The following SDCCAG8 variants were observed in gnomAD, a reference collection of about 807,000 sequenced individuals.
SDCCAG8 encodes the protein SHH signaling and ciliogenesis regulator SDCCAG8, also known as serologically defined colon cancer antigen 8.
Under a neutral mutation model 101.8 loss-of-function variants are expected in SDCCAG8, and 74 were observed. The ratio of observed to expected loss-of-function variants is 0.73; its 90% CI spans 0.60 to 0.88. The LOEUF is 0.88. Ranked by LOEUF, SDCCAG8 falls within the 40% of genes least tolerant of loss-of-function variation. SDCCAG8 has a pLI of 0.00. For missense variants in SDCCAG8, 787 were observed against 822.6 expected, an observed-to-expected ratio of 0.96 and a Z score of 0.53; for synonymous variants, 281 against 292.9, an observed-to-expected ratio of 0.96 and a Z score of 0.41.
At chr1:243,278,955 T>TATG (rs2068800913) in intron 4 of SDCCAG8, among the ~76,000 whole-genome samples, 1 of 151,826 alleles carries the variant, frequency 6.6e-6, no homozygotes, top group Non-Finnish European at 1.5e-5. Flanking sequence ...GCTATTTTAT[T>TATG]ATTATTATTA....
intron 16 of SDCCAG8, among the ~76,000 whole-genome samples, chr1:243,471,350 C>G (rs977377495): frequency 2.0e-5 from 3 of 152,114 alleles, no homozygotes; most frequent in Non-Finnish European, 4.4e-5. Context: ...CTTTTTTCCC[C>G]CAGTATTATG....
Position 243,477,702 on chromosome 1 carries a change from G to A in SDCCAG8, c.1986-11312G>A, listed in dbSNP as rs563753808. On this transcript the variant is annotated intron_variant, in intron 16 of 17. Transcript: ENST00000366541. ...TTAGGTTCCTGTCAGAGGCAGCTGT[G>A]CTGGAGCTTGAAGAGCTGAAAGTGT... 4.6e-5 allele frequency among the ~76,000 whole-genome samples: 7 copies of A among 152,370 alleles called. No individual in the cohort carries two copies. In the East Asian group the frequency reaches 1.3e-3, roughly 29 times the overall value.
At chr1:243,427,861 G>A (rs2081444181) in intron 16 of SDCCAG8, among the ~76,000 whole-genome samples, 2 of 152,188 alleles carry the variant, frequency 1.3e-5, no homozygotes, top group Non-Finnish European at 2.9e-5. Flanking sequence ...CTGTAGGCCA[G>A]GGGTCTGCAA....
Position 243,271,001 on chromosome 1 carries a change from C to T in SDCCAG8, c.244C>T (p.Arg82Cys), listed in dbSNP as rs143447584. 247 of 1,612,884 alleles carry T rather than the reference C, an allele frequency of 1.5e-4. No individual in the cohort carries two copies. The highest frequency in any genetic ancestry group is 2.8e-4 in the Admixed American group (17 of 59,948). ...HAVNQLKDLL[R>C]QQADKESEVS... is the part of the protein sequence containing the mutation. ...AGTTAATCAGCTCAAAGATTTGTTG[C>T]GCCAACAAGCAGATAAGGAAAGTGA... Residue 82 changes from arginine to cysteine, a missense_variant, in exon 3 of 18, where the codon CGC becomes TGC. Coordinates refer to ENST00000366541, the MANE Select transcript of SDCCAG8 (RefSeq NM_006642.5).
intron 16 of SDCCAG8, among the ~76,000 whole-genome samples, chr1:243,439,943 G>T (rs1392017392): frequency 6.6e-6 from 1 of 152,204 alleles, no homozygotes; most frequent in Admixed American, 6.5e-5. Context: ...TCAGGCTAAT[G>T]TGTCTTAGAA....
intron 9 of SDCCAG8, among the ~76,000 whole-genome samples, chr1:243,325,500 C>T (rs1217838348): frequency 6.6e-6 from 1 of 150,930 alleles, no homozygotes; most frequent in African/African-American, 2.4e-5. Context: ...ACGTTTGTTG[C>T]CATCTAGTGT....
At chr1:243,302,816 A>G (rs986784016) in intron 6 of SDCCAG8, among the ~76,000 whole-genome samples, 5 of 152,144 alleles carry the variant, frequency 3.3e-5, no homozygotes, top group African/African-American at 1.2e-4. Flanking sequence ...TGGGTACTCT[A>G]TGGAAAGCAT....
At chr1:243,357,408 A>C (rs1322105972) in intron 12 of SDCCAG8, among the ~76,000 whole-genome samples, 1 of 152,168 alleles carries the variant, frequency 6.6e-6, no homozygotes, top group Non-Finnish European at 1.5e-5. Context: ...AAAGAAGGTA[A>C]CTTTTGTCTT....
chr1:243,386,819 C>T (rs915040386), intron 13 of SDCCAG8, among the ~76,000 whole-genome samples: 1 of 152,000 alleles, frequency 6.6e-6, no homozygotes, highest in Non-Finnish European at 1.5e-5. Context: ...GTGTTAGCTG[C>T]TCCCTTATGC....
At chr1:243,423,218 A>C (rs757210561) in intron 15 of SDCCAG8, among the ~76,000 whole-genome samples, 1 of 152,154 alleles carries the variant, frequency 6.6e-6, no homozygotes, top group African/African-American at 2.4e-5. Flanking sequence ...TATAAATAAC[A>C]TTTATATTTT....
At chr1:243,272,960 C>G (rs2068215291) in intron 3 of SDCCAG8, among the ~76,000 whole-genome samples, 1 of 152,168 alleles carries the variant, frequency 6.6e-6, no homozygotes, top group Non-Finnish European at 1.5e-5. Flanking sequence ...AAAGTAGACA[C>G]AAATGATTTC....
chr1:243,385,483 C>T (rs1203002215), intron 13 of SDCCAG8, among the ~76,000 whole-genome samples: 1 of 152,088 alleles, frequency 6.6e-6, no homozygotes, highest in Non-Finnish European at 1.5e-5. Context: ...AAAAGGATTA[C>T]AGGGGGAGAG....
At chr1:243,277,530 T>C (rs1465248893) in intron 4 of SDCCAG8, among the ~76,000 whole-genome samples, 1 of 152,254 alleles carries the variant, frequency 6.6e-6, no homozygotes, top group African/African-American at 2.4e-5. Context: ...CAATTCTTTC[T>C]GTATTTTGGA....
At chr1:243,373,306 A>G (rs2077412975) in intron 12 of SDCCAG8, among the ~76,000 whole-genome samples, 1 of 152,092 alleles carries the variant, frequency 6.6e-6, no homozygotes, top group Admixed American at 6.6e-5. Context: ...TACCTGCCCT[A>G]TATGTTTCAT....
chr1:243,352,151 C>G (rs2076118198), intron 12 of SDCCAG8, among the ~76,000 whole-genome samples: 1 of 152,202 alleles, frequency 6.6e-6, no homozygotes, highest in Admixed American at 6.5e-5. Context: ...TTTACAAAAT[C>G]AAATGTATAA....
intron 16 of SDCCAG8, among the ~76,000 whole-genome samples, chr1:243,462,362 G>T (rs1400732963): frequency 2.0e-5 from 3 of 152,204 alleles, no homozygotes; most frequent in African/African-American, 7.2e-5. Flanking sequence ...AAGTCATCTC[G>T]TGCATATAAA....
At chr1:243,439,581 C>A (rs576530326) in intron 16 of SDCCAG8, among the ~76,000 whole-genome samples, 1 of 150,708 alleles carries the variant, frequency 6.6e-6, no homozygotes, top group East Asian at 2.0e-4. Context: ...GCCAAGATCA[C>A]GCCACTGCAC....
At chr1:243,449,430 T>C (rs1442125535) in intron 16 of SDCCAG8, among the ~76,000 whole-genome samples, 1 of 152,198 alleles carries the variant, frequency 6.6e-6, no homozygotes, top group Admixed American at 6.5e-5. Flanking sequence ...AAATTTGGCT[T>C]TTTACATATT....
intron 12 of SDCCAG8, among the ~76,000 whole-genome samples, chr1:243,360,999 T>G (rs987983850): frequency 2.0e-5 from 3 of 152,180 alleles, no homozygotes; most frequent in African/African-American, 7.2e-5. Flanking sequence ...TATAGACATT[T>G]GCATTTACCT....
Sources: gnomAD v4.1 joint callset for allele counts (sites outside exome capture counted in the v4.1 genomes callset) on GRCh38, gnomAD v4.1.1 for gene constraint, MANE v1.5 for transcripts, NCBI Gene and HGNC (gene_info 2026-07-23, HGNC 2026-07-21) for gene names.